The following JAKMIP2 variants were observed in gnomAD, a reference collection of about 807,000 sequenced individuals.
JAKMIP2 encodes janus kinase and microtubule-interacting protein 2.
Under a neutral mutation model 115.0 loss-of-function variants are expected in JAKMIP2, and 25 were observed. The observed-to-expected ratio is 0.22, with a 90% CI of 0.16 to 0.30. JAKMIP2 has a LOEUF of 0.30. Ranked by LOEUF, JAKMIP2 falls within the 10% of genes least tolerant of loss-of-function variation. The pLI is 1.00. For synonymous variants in JAKMIP2, 334 were observed against 343.6 expected (o/e 0.97, Z 0.31); for missense variants, 642 against 957.6 (o/e 0.67, Z 4.35).
Position 147,644,852 on chromosome 5 carries a change from T to C in JAKMIP2, c.1081A>G (p.Met361Val). ...TTTGCAGAGTCTGTGATACACACCA[T>C]TTCTGAATTTTCCTTGGTAACGGCT... ...LKAVTKENSE[M>V]REKITSHPPL... is the part of the protein sequence containing the mutation. Residue 361 changes from methionine to valine, a missense_variant and splice_region_variant, in exon 6 of 22, where the codon ATG becomes GTG. This residue lies in a region of JAKMIP2 where 439 missense variants were observed against 570.9 expected (regional missense o/e 0.77). Coordinates refer to ENST00000616793, the MANE Select transcript of JAKMIP2 (RefSeq NM_001270941.2). 1 of 1,613,022 alleles carries C rather than the reference T, an allele frequency of 6.2e-7. No homozygotes were observed. Among genetic ancestry groups the C allele is most frequent in the Non-Finnish European group, 8.5e-7 (1 of 1,179,588 alleles).
intron 1 of JAKMIP2, among the ~76,000 whole-genome samples, chr5:147,771,788 C>CA (rs1755366398): frequency 1.3e-5 from 2 of 151,986 alleles, no homozygotes; most frequent in African/African-American, 4.8e-5. Flanking sequence ...CTTTTAAAAA[C>CA]AAAAGTTCCT....
At chr5:147,639,246 C>T (rs534441565) in intron 10 of JAKMIP2, among the ~76,000 whole-genome samples, 35 of 152,142 alleles carry the variant, frequency 2.3e-4, no homozygotes, top group African/African-American at 4.3e-4. Context: ...AGTTGTCATA[C>T]GTAAACGCTG....
At chr5:147,765,628 G>A (rs1190603131) in intron 1 of JAKMIP2, among the ~76,000 whole-genome samples, 3 of 152,106 alleles carry the variant, frequency 2.0e-5, no homozygotes, top group Non-Finnish European at 2.9e-5. Context: ...CTAATGTTCA[G>A]GTAAAGACAA....
chr5:147,768,492 A>G (rs1259712679), intron 1 of JAKMIP2, among the ~76,000 whole-genome samples: 1 of 152,162 alleles, frequency 6.6e-6, no homozygotes, highest in Non-Finnish European at 1.5e-5. Context: ...AAAATGTTCA[A>G]ATATGCCTCT....
At chr5:147,732,118 TC>T (rs749185418) in intron 1 of JAKMIP2, among the ~76,000 whole-genome samples, 1 of 152,328 alleles carries the variant, frequency 6.6e-6, no homozygotes, top group Non-Finnish European at 1.5e-5. Flanking sequence ...CTCTTTTCCA[TC>T]CCTGAGTTTT....
chr5:147,715,102 C>A (rs771522385), intron 1 of JAKMIP2, among the ~76,000 whole-genome samples: 2 of 145,840 alleles, frequency 1.4e-5, no homozygotes, highest in East Asian at 3.9e-4. Context: ...TACAATTATT[C>A]TTTGATAAGA....
At position 147,585,453 on chromosome 5, in the gene JAKMIP2, G is replaced by T. The variant is rs2126526525; in HGVS notation, c.*6254C>A. 6.6e-6 allele frequency: 1 copy of T among 152,250 alleles called. No homozygotes were observed. Among genetic ancestry groups the T allele is most frequent in the East Asian group, 1.9e-4 (1 of 5,190 alleles). 9.4% of individuals were successfully genotyped at this position (152,250 alleles called of 1,614,324 possible). Reference sequence around the variant, plus strand: ...AAAGATAAAGTTTTTAAAAAATGCAGCTTGTTTTATTTTTATATAAACTAA... The same window carrying T: ...AAAGATAAAGTTTTTAAAAAATGCATCTTGTTTTATTTTTATATAAACTAA... On this transcript the variant is annotated 3_prime_UTR_variant, in exon 22 of 22. Coordinates refer to ENST00000616793, the MANE Select transcript of JAKMIP2 (RefSeq NM_001270941.2).
At chr5:147,662,868 C>T (rs939033032) in intron 2 of JAKMIP2, among the ~76,000 whole-genome samples, 4 of 151,878 alleles carry the variant, frequency 2.6e-5, no homozygotes, top group Admixed American at 6.6e-5. Context: ...ACCTGTAGTC[C>T]CAGATACTTG....
intron 1 of JAKMIP2, among the ~76,000 whole-genome samples, chr5:147,730,699 C>T (rs757170762): frequency 2.0e-5 from 3 of 152,146 alleles, no homozygotes; most frequent in East Asian, 3.9e-4. Context: ...CATGAGCCGC[C>T]GGCCTCAGCC....
intron 2 of JAKMIP2, among the ~76,000 whole-genome samples, chr5:147,662,848 G>C (rs1193759574): frequency 6.6e-6 from 1 of 152,080 alleles, no homozygotes; most frequent in Non-Finnish European, 1.5e-5. Flanking sequence ...GGCTGGGCGT[G>C]GTGGCAGGCA....
intron 1 of JAKMIP2, among the ~76,000 whole-genome samples, chr5:147,701,479 G>A (rs1348534540): frequency 6.6e-6 from 1 of 152,132 alleles, no homozygotes; most frequent in Non-Finnish European, 1.5e-5. Flanking sequence ...ACAGTATTAA[G>A]AGGAGGGGCC....
rs1580805080 is a variant in JAKMIP2 at position 147,702,555 on chromosome 5, AGAAAGAAAGAAAGAAAGAAAGAAG to A, written c.-148-30625_-148-30602del. Among the ~76,000 whole-genome samples the A allele has an allele frequency of 8.3e-5, 7 of 84,644 alleles. No individual in the cohort carries two copies. The East Asian group carries it at 2.4e-3, about 29-fold the overall frequency. 55.5% of individuals were successfully genotyped at this position (84,644 alleles called of 152,430 possible). On this transcript the variant is annotated intron_variant, in intron 1 of 21. Transcript: ENST00000616793. ...GGAGAGAGAGAGAGACAAAGAAAGAAGAAAGAAAGAAAGAAAGAAAGAAGGAAAGAAAGAAAGAAAGAAAGAAGG... is the reference window on the plus strand; with the variant it reads ...GGAGAGAGAGAGAGACAAAGAAAGAAGAAAGAAAGAAAGAAAGAAAGAAGG...
chr5:147,634,676 G>A (rs1301770796), intron 12 of JAKMIP2, among the ~76,000 whole-genome samples: 2 of 152,082 alleles, frequency 1.3e-5, no homozygotes, highest in East Asian at 1.9e-4. Context: ...ACCAGTTCTC[G>A]ATTTTTGAAT....
At chr5:147,617,624 A>G (rs1756653201) in intron 19 of JAKMIP2, among the ~76,000 whole-genome samples, 1 of 152,224 alleles carries the variant, frequency 6.6e-6, no homozygotes, top group Non-Finnish European at 1.5e-5. Flanking sequence ...CATAAGGCAG[A>G]TAATCAGACA....
intron 1 of JAKMIP2, among the ~76,000 whole-genome samples, chr5:147,760,702 G>T (rs1561580198): frequency 6.6e-6 from 1 of 152,040 alleles, no homozygotes; most frequent in Non-Finnish European, 1.5e-5. Flanking sequence ...GCTGTAAAGG[G>T]TAGAATATAA....
chr5:147,702,632 GAAA>G (rs1481167718), intron 1 of JAKMIP2, among the ~76,000 whole-genome samples: 17 of 121,448 alleles, frequency 1.4e-4, no homozygotes, highest in Non-Finnish European at 1.8e-4. Context: ...AAGAAAGAAA[GAAA>G]GAAAGAAAGA....
chr5:147,633,182 T>C (rs1757449927), intron 12 of JAKMIP2, among the ~76,000 whole-genome samples: 1 of 152,230 alleles, frequency 6.6e-6, no homozygotes, highest in Non-Finnish European at 1.5e-5. Context: ...ACAGCTATCA[T>C]CATACACAAA....
At chr5:147,632,862 C>T (rs751735462) in intron 12 of JAKMIP2, 84 bp from the exon 13 acceptor site, 1 of 808,478 alleles carries the variant, frequency 1.2e-6, no homozygotes, top group Non-Finnish European at 2.1e-6. Flanking sequence ...TCAGTTTACT[C>T]AGTGAATAAG....
At chr5:147,619,041 G>C (rs1756724951) in intron 18 of JAKMIP2, among the ~76,000 whole-genome samples, 1 of 152,074 alleles carries the variant, frequency 6.6e-6, no homozygotes, top group Non-Finnish European at 1.5e-5. Context: ...ATTTCTCTGA[G>C]TCTTTCTTTT....
Sources: gnomAD v4.1 joint callset for allele counts (sites outside exome capture counted in the v4.1 genomes callset) on GRCh38, gnomAD v4.1.1 for gene constraint, gnomAD v4.1.1 regional missense constraint, MANE v1.5 for transcripts, NCBI Gene and HGNC (gene_info 2026-07-23, HGNC 2026-07-21) for gene names.